ALK: variants seen among roughly 807,000 people sequenced by gnomAD.
ALK encodes the protein ALK tyrosine kinase receptor.
A neutral mutation model predicts 163.1 loss-of-function variants in ALK; 74 were observed. That is an observed-to-expected ratio of 0.45 (90% CI 0.38 to 0.55). The LOEUF (loss-of-function observed/expected upper bound fraction) is 0.55. Ranked by LOEUF, ALK falls within the 20% of genes least tolerant of loss-of-function variation. The pLI, the probability that ALK is intolerant of heterozygous loss-of-function variation, is 0.00. For synonymous variants in ALK, 960 were observed against 843.2 expected (o/e 1.14, Z -2.40); for missense variants, 2,063 against 2,105.3 (o/e 0.98, Z 0.39).
chr2:29,292,221 T>C (rs1422756976), intron 9 of ALK, among the ~76,000 whole-genome samples: 1 of 152,254 alleles, frequency 6.6e-6, no homozygotes, highest in Admixed American at 6.5e-5. Context: ...TTGTGTACTT[T>C]ATATTTGACT....
At chr2:29,732,261 T>G (rs762324523) in intron 1 of ALK, among the ~76,000 whole-genome samples, 91 of 152,284 alleles carry the variant, frequency 6.0e-4, no homozygotes, top group Non-Finnish European at 1.1e-3. Context: ...TAGTAGAAAG[T>G]GTGACTATTA....
At chr2:29,689,404 G>A (rs542497015) in intron 3 of ALK, among the ~76,000 whole-genome samples, 1 of 152,186 alleles carries the variant, frequency 6.6e-6, no homozygotes, top group Non-Finnish European at 1.5e-5. Flanking sequence ...GGTGACTCAG[G>A]TCCCTGCTAC....
rs11278557 is a variant in ALK at position 29,227,424 on chromosome 2, ATGTGGTGACC to A, written c.2914+140_2914+149del. 5.5e-3 allele frequency: 4,289 copies of A among 782,744 alleles called. 134 individuals carry two copies. In the African/African-American group the frequency reaches 0.061, roughly 11 times the overall value. 48.5% of individuals were successfully genotyped at this position (782,744 alleles called of 1,614,324 possible). A position where few individuals can be genotyped will look rare whatever the true frequency, so the allele number is the denominator to read the frequency against. ...AAGCACACATCCTGACTTCTGGAAA[ATGTGGTGACC>A]TGCGCCATAGGAAGCTTGCCTGCCA... On this transcript the variant is annotated intron_variant, in intron 17 of 28. Coordinates refer to ENST00000389048, the MANE Select transcript of ALK (RefSeq NM_004304.5). This position sits in a 1 kb window ranked among gnomAD's most constrained non-coding sequence, Gnocchi z 4.4.
intron 5 of ALK, among the ~76,000 whole-genome samples, chr2:29,358,075 C>T (rs6720222): frequency 0.99 from 150,874 of 152,344 alleles, 74,725 homozygotes; most frequent in East Asian, 1. Flanking sequence ...AAAGGAGACT[C>T]GAGCCCAGAA....
intron 4 of ALK, among the ~76,000 whole-genome samples, chr2:29,413,328 G>C (rs1224771641): frequency 6.6e-6 from 1 of 152,034 alleles, no homozygotes; most frequent in Admixed American, 6.6e-5. Flanking sequence ...TAAAAGTATA[G>C]TATAGTAAAC....
intron 4 of ALK, among the ~76,000 whole-genome samples, chr2:29,386,278 A>G (rs1452547681): frequency 6.6e-6 from 1 of 152,220 alleles, no homozygotes; most frequent in Non-Finnish European, 1.5e-5. Flanking sequence ...GATGCTGTAG[A>G]AGGGATTATT....
At position 29,365,377 on chromosome 2, in the gene ALK, A is replaced by T. The variant is rs191709712; in HGVS notation, c.1282+18355T>A. Among the ~76,000 whole-genome samples, 6 of 152,310 alleles carry T rather than the reference A, an allele frequency of 3.9e-5. No individual in the cohort carries two copies. The East Asian group carries it at 1.2e-3, about 29-fold the overall frequency. On this transcript the variant is annotated intron_variant, in intron 5 of 28. Transcript: ENST00000389048. Reference sequence around the variant, plus strand: ...GAACAGATGGGATTAGGGCAGGGTGATGGCCATCTCTGGCCCATTCAGAGG... The same window carrying T: ...GAACAGATGGGATTAGGGCAGGGTGTTGGCCATCTCTGGCCCATTCAGAGG...
At chr2:29,346,393 T>C (rs1022635191) in intron 5 of ALK, among the ~76,000 whole-genome samples, 13 of 152,190 alleles carry the variant, frequency 8.5e-5, no homozygotes, top group Admixed American at 7.2e-4. Flanking sequence ...CCCTACAGCA[T>C]CCTGCAGAAT....
At chr2:29,564,990 G>A (rs1476419695) in intron 3 of ALK, among the ~76,000 whole-genome samples, 4 of 152,132 alleles carry the variant, frequency 2.6e-5, no homozygotes, top group East Asian at 3.8e-4. Context: ...AGTGACTTGA[G>A]GTAGCTTTCA....
chr2:29,419,069 T>C (rs1669952886), intron 4 of ALK, among the ~76,000 whole-genome samples: 1 of 151,428 alleles, frequency 6.6e-6, no homozygotes, highest in Non-Finnish European at 1.5e-5. Flanking sequence ...CTTTATTTTA[T>C]TGTGAGACAG....
chr2:29,296,958 G>T lies in ALK; in HGVS notation c.1747C>A (p.His583Asn). 1 of 1,614,206 alleles carries T rather than the reference G, an allele frequency of 6.2e-7. No individual in the cohort carries two copies. The highest frequency in any genetic ancestry group is 8.5e-7 in the Non-Finnish European group (1 of 1,180,034). The part of the protein sequence containing the change: ...TGKEQGRMVW[H>N]VAAYEGLSLW... ...CTCAAGCCTTCATAGGCGGCGACAT[G>T]CCAGACCATCCTGCCTTGCTCCTTC... is the stretch of plus-strand genomic sequence containing the variant. Residue 583 changes from histidine (H) to asparagine (N), a missense_variant, in exon 9 of 29, where the codon CAT (histidine) becomes AAT (asparagine). His to Asn is a moderately conservative substitution (Grantham distance 68). This residue lies in a region of ALK where 987 missense variants were observed against 939.5 expected (regional missense o/e 1.05). Transcript: ENST00000389048.
intron 4 of ALK, among the ~76,000 whole-genome samples, chr2:29,434,660 C>T (rs887190905): frequency 5.3e-5 from 8 of 152,180 alleles, no homozygotes; most frequent in African/African-American, 1.4e-4. Context: ...TGACAATCTA[C>T]ATGATTAAAA....
intron 1 of ALK, among the ~76,000 whole-genome samples, chr2:29,798,166 T>G (rs1194501710): frequency 6.6e-6 from 1 of 152,222 alleles, no homozygotes; most frequent in Admixed American, 6.5e-5. Context: ...CACAGAAGGC[T>G]AAATCCAAAA....
At chr2:29,285,123 C>T (rs1038832496) in intron 9 of ALK, among the ~76,000 whole-genome samples, 9 of 152,236 alleles carry the variant, frequency 5.9e-5, no homozygotes, top group African/African-American at 2.2e-4. Flanking sequence ...CCTCCAGGTT[C>T]TTTCTTCACG....
intron 23 of ALK, among the ~76,000 whole-genome samples, chr2:29,218,881 T>C (rs1269661425): frequency 6.6e-6 from 1 of 152,244 alleles, no homozygotes; most frequent in Admixed American, 6.5e-5. Flanking sequence ...ATCTGATGCC[T>C]GTACCATGGC....
intron 3 of ALK, among the ~76,000 whole-genome samples, chr2:29,621,816 T>C (rs115091427): frequency 6.6e-6 from 1 of 152,180 alleles, no homozygotes. Context: ...ATCGCCAGCA[T>C]CATTGTGCGA....
chr2:29,440,692 A>G (rs542090541), intron 4 of ALK, among the ~76,000 whole-genome samples: 6 of 152,296 alleles, frequency 3.9e-5, no homozygotes, highest in Admixed American at 3.3e-4. Flanking sequence ...CCCTGCAATC[A>G]TTTGACCTTC....
chr2:29,822,388 A>C (rs1320089344), intron 1 of ALK, among the ~76,000 whole-genome samples: 2 of 152,222 alleles, frequency 1.3e-5, no homozygotes, highest in Non-Finnish European at 2.9e-5. Flanking sequence ...TTCAGGTGGG[A>C]GGAGGACAGA....
intron 3 of ALK, among the ~76,000 whole-genome samples, chr2:29,646,508 A>C (rs111597698): frequency 1.3e-3 from 191 of 152,250 alleles, no homozygotes; most frequent in African/African-American, 4.5e-3. Context: ...TTTCTCTAAG[A>C]GTATAAGCCA....
Sources: allele counts gnomAD v4.1 joint callset (sites outside exome capture counted in the v4.1 genomes callset), GRCh38; gene constraint gnomAD v4.1.1; regional missense constraint gnomAD v4.1.1; non-coding constraint Gnocchi (gnomAD v3.1); transcripts MANE v1.5; gene names NCBI Gene and HGNC (gene_info 2026-07-23, HGNC 2026-07-21).